The following FMR1 variants were observed in gnomAD, a reference collection of about 807,000 sequenced individuals.
FMR1 encodes the protein fragile X messenger ribonucleoprotein 1.
A neutral mutation model predicts 50.6 loss-of-function variants in FMR1; 13 were observed. The observed-to-expected ratio is 0.26, with a 90% CI of 0.17 to 0.41. The LOEUF is 0.41. Among genes scored for constraint, FMR1 ranks in the 10% least tolerant of loss-of-function variants. The pLI is 1.00. For missense variants in FMR1, 316 were observed against 491.3 expected (o/e 0.64, Z 3.37); for synonymous variants, 138 against 164.1 (o/e 0.84, Z 1.22).
intron 13 of FMR1, among the ~76,000 whole-genome samples, chrX:147,940,916 C>T (rs1020513680): frequency 8.9e-6 from 1 of 111,887 alleles, no homozygotes; most frequent in African/African-American, 3.3e-5. Context: ...AACCCTTACA[C>T]TCAGTTTAGG....
At position 147,936,494 on chromosome X, in the gene FMR1, T is replaced by C. The variant is rs1466478096; in HGVS notation, c.881-10T>C. 1.8e-6 allele frequency: 2 copies of C among 1,137,451 alleles called. No homozygotes were observed. Among genetic ancestry groups the C allele is most frequent in the Non-Finnish European group, 2.4e-6 (2 of 827,971 alleles). 93.7% of individuals were successfully genotyped at this position (1,137,451 alleles called of 1,213,427 possible). ...TTTTTAAAACCAAACTTGATTTATT[T>C]ATTTCTTAGGCAAAGTAATAGGAAA... On this transcript the variant is annotated splice_polypyrimidine_tract_variant and intron_variant, in intron 9 of 16. Coordinates refer to ENST00000370475, the MANE Select transcript of FMR1 (RefSeq NM_002024.6).
Position 147,938,099 on chromosome X carries a change from G to A in FMR1, c.1126G>A (p.Val376Met). 1 of 1,203,564 alleles carries A rather than the reference G, an allele frequency of 8.3e-7. No homozygotes were observed. Among genetic ancestry groups the A allele is most frequent in the Non-Finnish European group, 1.1e-6 (1 of 887,898 alleles). ...SQPNSTKVQR[V>M]LVASSVVAGE... ...CCTTGCATTCCTTATACTGCTTTAG[G>A]TGTTAGTGGCTTCATCAGTTGTAGC... The change falls in exon 12 of 17, where the codon GTG becomes ATG. Residue 376 changes from valine (V) to methionine (M), a missense_variant and splice_region_variant. Physicochemically the swap from Val to Met is conservative, Grantham distance 21 (BLOSUM62 1). Around this residue, in one of 4 missense-constraint regions of FMR1, gnomAD observed 53 missense variants for 51.5 expected, o/e 1.03. Transcript: ENST00000370475.
intron 16 of FMR1, among the ~76,000 whole-genome samples, chrX:147,945,875 ATTTATT>A (rs1471832139): frequency 4.8e-4 from 53 of 110,892 alleles, no homozygotes; most frequent in African/African-American, 1.7e-3. Flanking sequence ...ATTATTTATT[ATTTATT>A]TTTATTTTTT....
chrX:147,942,753 T>C, intron 13 of FMR1, among the ~76,000 whole-genome samples: 1 of 112,721 alleles, frequency 8.9e-6, no homozygotes, highest in Non-Finnish European at 1.9e-5. Context: ...GTCATTTATC[T>C]ATATTCATAC....
chrX:147,928,228 G>A, intron 3 of FMR1, 94 bp from the exon 4 acceptor site: 1 of 781,538 alleles, frequency 1.3e-6, no homozygotes, highest in Non-Finnish European at 2.0e-6. Flanking sequence ...AGACACCTAG[G>A]GGCATTTTAA....
chrX:147,941,841 T>G (rs1302736285), intron 13 of FMR1, among the ~76,000 whole-genome samples: 1 of 112,506 alleles, frequency 8.9e-6, no homozygotes, highest in East Asian at 2.8e-4. Flanking sequence ...CAAGAATATC[T>G]TCTTTGGTTA....
chrX:147,944,687 A>G (rs2124570648), intron 14 of FMR1, 182 bp from the exon 15 acceptor site: 2 of 1,054,400 alleles, frequency 1.9e-6, no homozygotes, highest in East Asian at 3.4e-5. Context: ...AAATATTGCA[A>G]AGCCCTTCAT....
chrX:147,912,288 G>C (rs2042615860), intron 1 of FMR1, 58 bp downstream of exon 1: 3 of 1,079,370 alleles, frequency 2.8e-6, no homozygotes, highest in Non-Finnish European at 3.8e-6. Context: ...TTTTCTTCTT[G>C]GTGTCGGCGG....
intron 1 of FMR1, among the ~76,000 whole-genome samples, chrX:147,916,134 A>G (rs782316864): frequency 8.9e-6 from 1 of 112,588 alleles, no homozygotes; most frequent in South Asian, 3.7e-4. Flanking sequence ...AAGGAAAGAT[A>G]AAGTTAGAAA....
Position 147,944,543 on chromosome X carries a change from C to T in FMR1, c.1472-326C>T, listed in dbSNP as rs1025379859. 1.3e-5 allele frequency: 11 copies of T among 850,913 alleles called. No individual in the cohort carries two copies. The Admixed American group carries it at 6.5e-4, about 50-fold the overall frequency. The allele number at this position is 850,913 out of a possible 1,213,427, so 70.1% of individuals were successfully genotyped here. ...ACTTAACTGTCGTGGATAATCTTTT[C>T]CTCCAGAGAGTATAGATGTTTAAAG... On this transcript the variant is annotated intron_variant, in intron 14 of 16. Transcript: ENST00000370475.
At chrX:147,935,965 A>G (rs2043775994) in intron 9 of FMR1, among the ~76,000 whole-genome samples, 1 of 112,365 alleles carries the variant, frequency 8.9e-6, no homozygotes, top group African/African-American at 3.2e-5. Context: ...TAGCTGCTTA[A>G]GCCACTTTCA....
In FMR1 at chrX:147,932,815, A is replaced by G. The variant is rs368783198; in HGVS notation, c.880+52A>G. 167 of 849,418 alleles carry G rather than the reference A, an allele frequency of 2.0e-4. No homozygotes were observed. In the East Asian group the frequency reaches 4.9e-3, roughly 25 times the overall value. 70.0% of individuals were successfully genotyped at this position (849,418 alleles called of 1,213,427 possible). A position where few individuals can be genotyped will look rare whatever the true frequency, so the allele number is the denominator to read the frequency against. On this transcript the variant is annotated intron_variant, in intron 9 of 16. Transcript: ENST00000370475. ...TAGTACAACAACTAAGTTTAGGTAA[A>G]CAGTTTATTTATAGTGATAGAATTC...
rs1557173853 is a variant in FMR1 at position 147,912,069 on chromosome X, C to CGGCGGCGGA, written c.-103_-102insAGGCGGCGG. ...GGCAGCGCGGCGGCGGCGGCGGCGG[C>CGGCGGCGGA]GGCGGCGGCGGAGGCGGCGGCGGCG... On this transcript the variant is annotated 5_prime_UTR_variant, in exon 1 of 17. Coordinates refer to ENST00000370475, the MANE Select transcript of FMR1 (RefSeq NM_002024.6). 103 of 262,926 alleles carry CGGCGGCGGA rather than the reference C, an allele frequency of 3.9e-4. 1 individual carries two copies. The highest frequency in any genetic ancestry group is 3.5e-3 in the East Asian group (14 of 4,013). The allele number at this position is 262,926 out of a possible 1,213,427, so 21.7% of individuals were successfully genotyped here.
At chrX:147,932,330 C>T in intron 7 of FMR1, 95 bp from the exon 8 acceptor site, 1 of 795,487 alleles carries the variant, frequency 1.3e-6, no homozygotes, top group Non-Finnish European at 1.9e-6. Flanking sequence ...ATGGACCCCT[C>T]ATATACAGGG....
At chrX:147,926,297 C>T (rs1278590831) in intron 3 of FMR1, among the ~76,000 whole-genome samples, 4 of 111,469 alleles carry the variant, frequency 3.6e-5, no homozygotes, top group African/African-American at 9.8e-5. Flanking sequence ...TATCTTCTCT[C>T]CTTTGTATCC....
intron 16 of FMR1, 143 bp from the exon 17 acceptor site, chrX:147,948,540 A>C: frequency 8.9e-7 from 1 of 1,124,807 alleles, no homozygotes; most frequent in East Asian, 3.3e-5. Context: ...CCTTACATTA[A>C]TTTCTTGCAC....
At position 147,937,454 on chromosome X, in the gene FMR1, T is replaced by C. The variant is rs1557179849; in HGVS notation, c.991-12T>C. The stretch of plus-strand genomic sequence containing the variant: ...CTTTTTTTCTCTTTTGTGTTTTCTG[T>C]TTTTTACCAAGGAAATTATGCCACC... On this transcript the variant is annotated splice_polypyrimidine_tract_variant and intron_variant, in intron 10 of 16. Transcript: ENST00000370475. The C allele has an allele frequency of 8.6e-7, 1 of 1,167,186 alleles. No homozygotes were observed. The highest frequency in any genetic ancestry group is 1.2e-6 in the Non-Finnish European group (1 of 855,162).
chrX:147,934,681 A>G (rs1557179363), intron 9 of FMR1, among the ~76,000 whole-genome samples: 3 of 112,181 alleles, frequency 2.7e-5, no homozygotes, highest in Non-Finnish European at 5.6e-5. Flanking sequence ...AAAGACTGCT[A>G]AAAGTAAATC....
intron 3 of FMR1, among the ~76,000 whole-genome samples, chrX:147,926,366 CCTTA>C (rs2043387543): frequency 8.9e-6 from 1 of 111,749 alleles, no homozygotes; most frequent in South Asian, 3.7e-4. Flanking sequence ...AAGCATAATG[CCTTA>C]CTATTAGTTA....
Sources: allele counts gnomAD v4.1 joint callset (sites outside exome capture counted in the v4.1 genomes callset), GRCh38; gene constraint gnomAD v4.1.1; regional missense constraint gnomAD v4.1.1; transcripts MANE v1.5; gene names NCBI Gene and HGNC (gene_info 2026-07-23, HGNC 2026-07-21).